RAB30: variants seen among roughly 807,000 people sequenced by gnomAD.
The protein encoded by RAB30 is ras-related protein Rab-30.
Under a neutral mutation model 25.1 loss-of-function variants are expected in RAB30, and 9 were observed. The observed-to-expected ratio is 0.36, with a 90% CI of 0.22 to 0.63. RAB30 has a LOEUF of 0.63. Among genes scored for constraint, RAB30 ranks in the 20% least tolerant of loss-of-function variants. RAB30 has a pLI of 0.69. For synonymous variants in RAB30, 77 were observed against 86.4 expected, an observed-to-expected ratio of 0.89 and a Z score of 0.60; for missense variants, 140 against 243.5, an observed-to-expected ratio of 0.58 and a Z score of 2.83.
chr11:83,061,599 CGTGT>C (rs911396576), intron 1 of RAB30, among the ~76,000 whole-genome samples: 19 of 150,760 alleles, frequency 1.3e-4, no homozygotes, highest in Admixed American at 2.6e-4. Context: ...TGTGTGCACA[CGTGT>C]GTGTGTATGT....
chr11:83,044,377 C>T (rs1858193187), intron 1 of RAB30, among the ~76,000 whole-genome samples: 1 of 152,152 alleles, frequency 6.6e-6, no homozygotes, highest in Non-Finnish European at 1.5e-5. Context: ...AACCCAGAGG[C>T]CTAGGTTCAA....
chr11:83,017,369 T>C (rs1857461437), intron 1 of RAB30, among the ~76,000 whole-genome samples: 1 of 152,024 alleles, frequency 6.6e-6, no homozygotes, highest in African/African-American at 2.4e-5. Flanking sequence ...CAAAGAGATT[T>C]TTATTTCTTT....
intron 1 of RAB30, among the ~76,000 whole-genome samples, chr11:83,019,266 T>C (rs1447055587): frequency 3.9e-5 from 6 of 152,316 alleles, no homozygotes; most frequent in Non-Finnish European, 7.3e-5. Flanking sequence ...CCTCAAGTGA[T>C]CCGTCTACCT....
At position 82,977,056 on chromosome 11, in the gene RAB30, C is replaced by CT. The variant is rs1306932733; in HGVS notation, c.*5108dup. On this transcript the variant is annotated 3_prime_UTR_variant, in exon 5 of 5. Coordinates refer to ENST00000527633, the MANE Select transcript of RAB30 (RefSeq NM_001286060.2). ...TTGGGAGTTGGTCTGTTTGTGAGAA[C>CT]TTTAACAGAAGATTCTGCTCTGTTA... 1 of 152,184 alleles carries CT rather than the reference C, an allele frequency of 6.6e-6. No homozygotes were observed. The highest frequency in any genetic ancestry group is 1.5e-5 in the Non-Finnish European group (1 of 68,028). The allele number at this position is 152,184 out of a possible 1,614,324, so 9.4% of individuals were successfully genotyped here.
intron 1 of RAB30, among the ~76,000 whole-genome samples, chr11:83,018,898 G>A (rs974491064): frequency 2.6e-5 from 4 of 152,120 alleles, no homozygotes; most frequent in African/African-American, 7.2e-5. Flanking sequence ...TCTACATGTC[G>A]CTGGCCAATT....
chr11:83,023,804 G>A (rs1031144471), intron 1 of RAB30, among the ~76,000 whole-genome samples: 5 of 152,098 alleles, frequency 3.3e-5, no homozygotes, highest in Admixed American at 2.0e-4. Flanking sequence ...TGAATTCCCC[G>A]TGATACGTCT....
chr11:83,037,926 C>T (rs760436154), intron 1 of RAB30, among the ~76,000 whole-genome samples: 30 of 151,922 alleles, frequency 2.0e-4, no homozygotes, highest in Non-Finnish European at 3.7e-4. Flanking sequence ...GACCAACGTG[C>T]GGAAGACAGA....
At chr11:83,037,626 G>A (rs1212518054) in intron 1 of RAB30, among the ~76,000 whole-genome samples, 2 of 152,066 alleles carry the variant, frequency 1.3e-5, no homozygotes, top group Non-Finnish European at 2.9e-5. Flanking sequence ...AAACTCCTGG[G>A]TTTCTAGCTT....
At chr11:83,047,195 A>G (rs11233440) in intron 1 of RAB30, among the ~76,000 whole-genome samples, 32,536 of 145,034 alleles carry the variant, frequency 0.22, 4,192 homozygotes, top group Admixed American at 0.29. Context: ...GGACGCCACA[A>G]TGAGAGGAAC....
At chr11:82,987,230 C>T (rs1019528723) in intron 4 of RAB30, 1 of 159,506 alleles carries the variant, frequency 6.3e-6, no homozygotes, top group African/African-American at 2.4e-5. Flanking sequence ...ACAATTGCTT[C>T]AATAATGAAT....
intron 1 of RAB30, among the ~76,000 whole-genome samples, chr11:83,029,894 C>T (rs1857813717): frequency 6.6e-6 from 1 of 152,102 alleles, no homozygotes; most frequent in Non-Finnish European, 1.5e-5. Flanking sequence ...TTTGCAGCAA[C>T]TTGGATTGAG....
intron 1 of RAB30, among the ~76,000 whole-genome samples, chr11:83,014,691 AAAG>A (rs1565277247): frequency 7.4e-5 from 11 of 148,268 alleles, no homozygotes; most frequent in South Asian, 2.1e-4. Flanking sequence ...AGAAAGAAAG[AAAG>A]AGAAAGGAAG....
At position 83,058,735 on chromosome 11, in the gene RAB30, A is replaced by G. The variant is rs116915609; in HGVS notation, c.-9+12956T>C. Among the ~76,000 whole-genome samples the G allele has an allele frequency of 3.4e-3, 515 of 152,332 alleles. 1 individual carries two copies. Among genetic ancestry groups the G allele is most frequent in the Non-Finnish European group, 5.8e-3 (398 of 68,036 alleles). On this transcript the variant is annotated intron_variant, in intron 1 of 4. Transcript: ENST00000527633. ...TTTCCTTGTAACTATTTTCCTTGTAATAAGTACCTTGTGAAGAAACATTTT... is the reference window on the plus strand; with the variant it reads ...TTTCCTTGTAACTATTTTCCTTGTAGTAAGTACCTTGTGAAGAAACATTTT...
chr11:83,029,880 G>A (rs747726241), intron 1 of RAB30, among the ~76,000 whole-genome samples: 3 of 152,138 alleles, frequency 2.0e-5, no homozygotes, highest in Non-Finnish European at 2.9e-5. Flanking sequence ...ATAGAATAAT[G>A]TCTTTTGCAG....
intron 1 of RAB30, chr11:83,034,611 G>A (rs1170801727): frequency 6.6e-6 from 1 of 152,138 alleles, no homozygotes; most frequent in Non-Finnish European, 1.5e-5. Flanking sequence ...TTCTGCCAAA[G>A]CTCTCTGCCC....
chr11:82,998,016 A>C (rs1856995045), intron 1 of RAB30, among the ~76,000 whole-genome samples: 1 of 152,102 alleles, frequency 6.6e-6, no homozygotes, highest in Non-Finnish European at 1.5e-5. Flanking sequence ...AAGTCCTTGA[A>C]GGTCCAATGC....
At chr11:82,991,078 C>T (rs982997224) in intron 3 of RAB30, among the ~76,000 whole-genome samples, 1 of 152,138 alleles carries the variant, frequency 6.6e-6, no homozygotes, top group African/African-American at 2.4e-5. Flanking sequence ...ACTCACCAAG[C>T]GGGTGATGCC....
chr11:83,045,129 C>T (rs1199688434), intron 1 of RAB30, among the ~76,000 whole-genome samples: 2 of 152,348 alleles, frequency 1.3e-5, no homozygotes, highest in South Asian at 4.1e-4. Flanking sequence ...AACACAGACA[C>T]TGAACTCCCA....
At chr11:82,982,589 C>T (rs1856662346) in intron 4 of RAB30, among the ~76,000 whole-genome samples, 174 bp from the exon 5 acceptor site, 2 of 152,124 alleles carry the variant, frequency 1.3e-5, no homozygotes, top group African/African-American at 2.4e-5. Context: ...GCCAGCTGGG[C>T]GCAGTGGCTC....
Sources: gnomAD v4.1 joint callset for allele counts (sites outside exome capture counted in the v4.1 genomes callset) on GRCh38, gnomAD v4.1.1 for gene constraint, MANE v1.5 for transcripts, NCBI Gene and HGNC (gene_info 2026-07-23, HGNC 2026-07-21) for gene names.